The following ADD3 variants were observed in gnomAD, a reference collection of about 807,000 sequenced individuals.
The protein encoded by ADD3 is adducin 3, also known as gamma-adducin.
ADD3 carries 25 observed loss-of-function variants against 80.2 expected under a neutral mutation model. The ratio of observed to expected loss-of-function variants is 0.31; its 90% CI spans 0.23 to 0.44. The LOEUF is 0.44. Ranked by LOEUF, ADD3 falls within the 20% of genes least tolerant of loss-of-function variation. The pLI, the probability that ADD3 is intolerant of heterozygous loss-of-function variation, is 1.00. For missense variants in ADD3, 829 were observed against 847.5 expected (o/e 0.98, Z 0.27); for synonymous variants, 284 against 289.6 (o/e 0.98, Z 0.20).
chr10:110,085,197 A>G (rs1047063714), intron 1 of ADD3, among the ~76,000 whole-genome samples: 2 of 152,238 alleles, frequency 1.3e-5, no homozygotes, highest in African/African-American at 4.8e-5. Context: ...TTTATCAGGA[A>G]AGAGCCTAGA....
intron 1 of ADD3, among the ~76,000 whole-genome samples, chr10:110,015,396 G>A (rs1039582084): frequency 1.4e-5 from 2 of 143,254 alleles, no homozygotes; most frequent in Non-Finnish European, 3.0e-5. Context: ...TTTTTTTTGA[G>A]ATGGAGTCTC....
At chr10:109,997,769 C>T (rs972641164) in intron 1 of ADD3, among the ~76,000 whole-genome samples, 7 of 152,208 alleles carry the variant, frequency 4.6e-5, no homozygotes, top group African/African-American at 1.7e-4. Context: ...AACACTGATA[C>T]ATCTAAACTT....
Position 110,118,658 on chromosome 10 carries a change from C to G in ADD3, c.639C>G (p.Phe213Leu). The change falls in exon 6 of 15, where the codon TTC becomes TTG. Residue 213 changes from phenylalanine to leucine, a missense_variant. Phe to Leu is a conservative substitution (Grantham distance 22, BLOSUM62 0). Coordinates refer to ENST00000356080, the MANE Select transcript of ADD3 (RefSeq NM_016824.5). Reference sequence around the variant, plus strand: ...ATTTGAAAATTGACCATACAGGATTCAGTCCCCATGCTGCAATCTATTCAA... The same window carrying G: ...ATTTGAAAATTGACCATACAGGATTGAGTCCCCATGCTGCAATCTATTCAA... ...STNLKIDHTG[F>L]SPHAAIYSTR... 6.2e-7 allele frequency: 1 copy of G among 1,613,694 alleles called. No homozygotes were observed. Among genetic ancestry groups the G allele is most frequent in the Non-Finnish European group, 8.5e-7 (1 of 1,179,592 alleles).
At chr10:110,094,784 T>G (rs1847964299) in intron 1 of ADD3, among the ~76,000 whole-genome samples, 2 of 152,230 alleles carry the variant, frequency 1.3e-5, no homozygotes, top group Non-Finnish European at 2.9e-5. Context: ...CAAATAACTT[T>G]AAAATTTCAT....
At chr10:110,000,644 C>T (rs1851467247) in intron 1 of ADD3, among the ~76,000 whole-genome samples, 1 of 152,200 alleles carries the variant, frequency 6.6e-6, no homozygotes, top group African/African-American at 2.4e-5. Flanking sequence ...ATTTTAGAAT[C>T]TAAGCACTTA....
intron 1 of ADD3, among the ~76,000 whole-genome samples, chr10:110,066,300 C>CA (rs949870867): frequency 3.3e-5 from 5 of 152,146 alleles, no homozygotes; most frequent in African/African-American, 1.2e-4. Flanking sequence ...AGGGCAGTGG[C>CA]ACAATCTTGG....
chr10:110,060,259 T>TA lies in ADD3; in HGVS notation c.-29-40364dup, dbSNP rs77925640. On this transcript the variant is annotated intron_variant, in intron 1 of 14. Transcript: ENST00000356080. ...TCGTTTTTCTAATTTCCTAATATAT[T>TA]AACGTTTATTCCAGTGTTTGATGGA... Among the ~76,000 whole-genome samples the TA allele has an allele frequency of 1.7e-3, 260 of 152,364 alleles. 2 individuals are homozygous for TA. Among genetic ancestry groups the TA allele is most frequent in the Admixed American group, 0.011 (174 of 15,298 alleles).
chr10:110,016,091 G>A (rs7071509), intron 1 of ADD3, among the ~76,000 whole-genome samples: 40,602 of 152,136 alleles, frequency 0.27, 7,918 homozygotes, highest in African/African-American at 0.54. Context: ...GATTGTGACT[G>A]TCAGTTAAGT....
At position 110,116,280 on chromosome 10, in the gene ADD3, T is replaced by A. The variant is rs778204549; in HGVS notation, c.356T>A (p.Ile119Asn). 1.2e-6 allele frequency: 2 copies of A among 1,614,126 alleles called. No homozygotes were observed. The highest frequency in any genetic ancestry group is 3.3e-5 in the Admixed American group (2 of 60,028). ...TTAGGTCTTGGCATGGTCACACCTA[T>A]CAATGACCTTCCTGGTGCAGATACA... ...PPLSLGMVTP[I>N]NDLPGADTSS... is the part of the protein sequence containing the mutation. Residue 119 changes from isoleucine (I) to asparagine (N), a missense_variant, in exon 4 of 15, where the codon ATC (isoleucine) becomes AAC (asparagine). By Grantham distance (149) the Ile-to-Asn change is moderately radical. Transcript: ENST00000356080.
rs200219742 is a variant in ADD3 at position 110,099,504 on chromosome 10, G to A, written c.-29-1121G>A. On this transcript the variant is annotated intron_variant, in intron 1 of 14. Coordinates refer to ENST00000356080, the MANE Select transcript of ADD3 (RefSeq NM_016824.5). ...TGGATCATCAATCAATTTGACTAGC[G>A]TGTATTAAAATGAAGTAGATTAAAA... Among the ~76,000 whole-genome samples, 19 of 152,168 alleles carry A rather than the reference G, an allele frequency of 1.2e-4. No individual in the cohort carries two copies. In the East Asian group the frequency reaches 3.1e-3, roughly 25 times the overall value.
At chr10:110,087,195 A>G (rs1298864075) in intron 1 of ADD3, among the ~76,000 whole-genome samples, 3 of 151,798 alleles carry the variant, frequency 2.0e-5, no homozygotes, top group African/African-American at 7.3e-5. Context: ...CGCCCAGCTA[A>G]TTTTTGTATT....
At chr10:110,086,555 AC>A (rs1451331065) in intron 1 of ADD3, among the ~76,000 whole-genome samples, 1 of 152,188 alleles carries the variant, frequency 6.6e-6, no homozygotes, top group Non-Finnish European at 1.5e-5. Flanking sequence ...ATGGTTTAGT[AC>A]CATCCCCCTA....
intron 1 of ADD3, among the ~76,000 whole-genome samples, chr10:110,065,080 C>T (rs996057592): frequency 4.7e-4 from 71 of 152,246 alleles, no homozygotes; most frequent in African/African-American, 1.7e-3. Flanking sequence ...TCTTTACTCA[C>T]TGTTGTTTCT....
At chr10:110,030,855 C>T (rs1036969621) in intron 1 of ADD3, among the ~76,000 whole-genome samples, 1 of 151,684 alleles carries the variant, frequency 6.6e-6, no homozygotes, top group African/African-American at 2.4e-5. Flanking sequence ...TGCCTACAAG[C>T]AACCTCTACT....
intron 3 of ADD3, among the ~76,000 whole-genome samples, chr10:110,115,364 G>A (rs1743834538): frequency 6.6e-6 from 1 of 151,816 alleles, no homozygotes; most frequent in Non-Finnish European, 1.5e-5. Context: ...ACTCAAACCT[G>A]GGCAACAAGA....
intron 1 of ADD3, among the ~76,000 whole-genome samples, chr10:110,055,057 A>G (rs945752163): frequency 6.6e-6 from 1 of 152,196 alleles, no homozygotes; most frequent in African/African-American, 2.4e-5. Flanking sequence ...CACCGCACCC[A>G]GCAGTTTTCT....
At chr10:110,111,073 C>T (rs892310555) in intron 2 of ADD3, among the ~76,000 whole-genome samples, 26 of 152,284 alleles carry the variant, frequency 1.7e-4, no homozygotes, top group African/African-American at 4.6e-4. Context: ...GATTTTATTC[C>T]TACCGTCACG....
intron 13 of ADD3, 46 bp downstream of exon 13, chr10:110,130,532 C>G (rs1207705473): frequency 4.4e-6 from 7 of 1,593,402 alleles, no homozygotes; most frequent in Non-Finnish European, 5.1e-6. Context: ...ACACTGATAA[C>G]AATAAAGTAC....
At chr10:110,041,446 A>G (rs771637249) in intron 1 of ADD3, among the ~76,000 whole-genome samples, 4 of 152,130 alleles carry the variant, frequency 2.6e-5, no homozygotes, top group Non-Finnish European at 5.9e-5. Flanking sequence ...TTGAGGTTAC[A>G]TTGAATAAGG....
Sources: allele counts gnomAD v4.1 joint callset (sites outside exome capture counted in the v4.1 genomes callset), GRCh38; gene constraint gnomAD v4.1.1; transcripts MANE v1.5; gene names NCBI Gene and HGNC (gene_info 2026-07-23, HGNC 2026-07-21).